The following TRIM14 variants were observed in gnomAD, a reference collection of about 807,000 sequenced individuals.
TRIM14 encodes the protein tripartite motif containing 14.
In TRIM14, 28 loss-of-function variants were observed where a neutral mutation model predicts 44.5. The observed-to-expected ratio is 0.63, with a 90% confidence interval of 0.47 to 0.86. The LOEUF is 0.86. Ranked by LOEUF, TRIM14 falls within the 40% of genes least tolerant of loss-of-function variation. TRIM14 has a pLI of 0.00. For missense variants in TRIM14, 607 were observed against 611.1 expected, an observed-to-expected ratio of 0.99 and a Z score of 0.07; for synonymous variants, 299 against 269.2, an observed-to-expected ratio of 1.11 and a Z score of -1.08.
At chr9:98,083,542 G>A (rs1165315049), downstream of TRIM14, among the ~76,000 whole-genome samples, 1 of 152,232 alleles carries the variant, frequency 6.6e-6, no homozygotes, top group African/African-American at 2.4e-5. Context: ...AAAGGATCTT[G>A]TAGGCAGAAA....
intron 4 of TRIM14, among the ~76,000 whole-genome samples, chr9:98,093,892 C>T (rs1459661057): frequency 6.6e-6 from 1 of 152,152 alleles, no homozygotes; most frequent in Non-Finnish European, 1.5e-5. Flanking sequence ...ATTACAGGTG[C>T]ATGCCACCAT....
the TRIM14 span, among the ~76,000 whole-genome samples, chr9:98,061,791 AATT>A: frequency 2.8e-4 from 43 of 151,510 alleles, 1 homozygote; most frequent in African/African-American, 1.0e-3. Context: ...AAAAAAAAAA[AATT>A]AATAATAATA....
intron 6 of TRIM14, among the ~76,000 whole-genome samples, chr9:98,078,836 G>T (rs1011122967): frequency 1.6e-5 from 2 of 123,028 alleles, no homozygotes; most frequent in Non-Finnish European, 3.3e-5. Context: ...CTCTCAGGGG[G>T]AAAAAAAAAA....
At chr9:98,065,734 G>C (rs536892674), downstream of TRIM14, among the ~76,000 whole-genome samples, 1 of 151,362 alleles carries the variant, frequency 6.6e-6, no homozygotes. Context: ...GAATTCCCAC[G>C]TGTTGTGGGA....
At chr9:98,082,894 C>G (rs770189007), downstream of TRIM14, 1 of 1,614,152 alleles carries the variant, frequency 6.2e-7, no homozygotes. Context: ...AGGCACCATT[C>G]TAACAATGGA....
At chr9:98,105,138 C>G (rs1413104850) in intron 2 of TRIM14, among the ~76,000 whole-genome samples, 1 of 152,184 alleles carries the variant, frequency 6.6e-6, no homozygotes, top group Admixed American at 6.5e-5. Context: ...TCATGTCCCC[C>G]CATTGGTGCC....
intron 6 of TRIM14, among the ~76,000 whole-genome samples, chr9:98,079,095 C>T (rs1050322509): frequency 2.0e-5 from 3 of 152,080 alleles, no homozygotes; most frequent in African/African-American, 2.4e-5. Flanking sequence ...CTCTCTCCCA[C>T]GATTTTGCCT....
chr9:98,108,938 C>T (rs571377853), intron 2 of TRIM14, among the ~76,000 whole-genome samples: 3 of 146,112 alleles, frequency 2.1e-5, no homozygotes, highest in South Asian at 2.1e-4. Context: ...AGCACAGTGA[C>T]GTGATCCTAG....
At chr9:98,070,807 A>AT (rs11464981) in intron 6 of TRIM14, among the ~76,000 whole-genome samples, 40,063 of 144,706 alleles carry the variant, frequency 0.28, 7,455 homozygotes, top group African/African-American at 0.53. Flanking sequence ...CTCTTTAGTA[A>AT]TTTTTTTTTT....
Position 98,087,559 on chromosome 9 carries a change from G to T in TRIM14, c.1240C>A (p.Leu414Met). 1 of 1,596,722 alleles carries T rather than the reference G, an allele frequency of 6.3e-7. No homozygotes were observed. Among genetic ancestry groups the T allele is most frequent in the Non-Finnish European group, 8.5e-7 (1 of 1,173,890 alleles). ...FYDVTGGMSH[L>M]HTFRATFQEP... ...TGGAACGTGGCGCGGAAGGTATGCA[G>T]GTGGCTCATGCCGCCCGTCACGTCG... Residue 414 changes from leucine to methionine, a missense_variant, in exon 6 of 6, where the codon CTG becomes ATG. Transcript: ENST00000341469.
the TRIM14 span, among the ~76,000 whole-genome samples, chr9:98,044,217 C>A: frequency 6.6e-6 from 1 of 151,676 alleles, no homozygotes. Context: ...TTCCATATGC[C>A]CTTCCTGGAC....
At chr9:98,118,442 G>A (rs904004258) in intron 1 of TRIM14, among the ~76,000 whole-genome samples, 5 of 152,314 alleles carry the variant, frequency 3.3e-5, no homozygotes, top group East Asian at 1.9e-4. Flanking sequence ...AGGAATGGGA[G>A]TGTCTGTGTG....
the TRIM14 span, among the ~76,000 whole-genome samples, chr9:98,054,950 G>A: frequency 6.6e-6 from 1 of 152,220 alleles, no homozygotes; most frequent in Non-Finnish European, 1.5e-5. Context: ...CAGCTGTGCA[G>A]TCTGGCTGAG....
the TRIM14 span, among the ~76,000 whole-genome samples, chr9:98,045,673 T>G: frequency 2.2e-4 from 34 of 152,098 alleles, no homozygotes; most frequent in African/African-American, 7.2e-4. Flanking sequence ...TCAACTAAAC[T>G]CCTTTAAATT....
At chr9:98,066,556 C>A (rs545662827), downstream of TRIM14, among the ~76,000 whole-genome samples, 4 of 152,130 alleles carry the variant, frequency 2.6e-5, no homozygotes, top group African/African-American at 9.6e-5. Context: ...ATACAATTAC[C>A]GTTAGAACAT....
downstream of TRIM14, among the ~76,000 whole-genome samples, chr9:98,079,622 C>T (rs143759497): frequency 3.0e-3 from 463 of 152,222 alleles, no homozygotes; most frequent in African/African-American, 0.011. Context: ...TATGTAATGT[C>T]GAAAGTAAAC....
At chr9:98,039,611 T>G in the TRIM14 span, among the ~76,000 whole-genome samples, 1 of 152,046 alleles carries the variant, frequency 6.6e-6, no homozygotes, top group Non-Finnish European at 1.5e-5. Context: ...CTAAGGTCAC[T>G]GCTTGAGATA....
At chr9:98,080,532 G>A (rs1043518076), downstream of TRIM14, among the ~76,000 whole-genome samples, 1 of 152,226 alleles carries the variant, frequency 6.6e-6, no homozygotes, top group African/African-American at 2.4e-5. Flanking sequence ...TACTCTTGGT[G>A]TATTGTGCAA....
the TRIM14 span, among the ~76,000 whole-genome samples, chr9:98,036,999 C>A: frequency 6.6e-6 from 1 of 152,140 alleles, no homozygotes; most frequent in Non-Finnish European, 1.5e-5. Context: ...TGGGAAGGTA[C>A]TCCAAATGGT....
Sources: allele counts gnomAD v4.1 joint callset (sites outside exome capture counted in the v4.1 genomes callset), GRCh38; gene constraint gnomAD v4.1.1; transcripts MANE v1.5; gene names NCBI Gene and HGNC (gene_info 2026-07-23, HGNC 2026-07-21).